Variants in BTNL2 observed in about 807,000 individuals in gnomAD.
The protein encoded by BTNL2 is butyrophilin like 2, also known as butyrophilin-like protein 2.
A neutral mutation model predicts 46.8 loss-of-function variants in BTNL2; 46 were observed. The ratio of observed to expected loss-of-function variants is 0.98; its 90% CI spans 0.78 to 1.26. The LOEUF (loss-of-function observed/expected upper bound fraction) is 1.26. Among genes scored for constraint, BTNL2 ranks in the 50% most tolerant of loss-of-function variants. BTNL2 has a pLI of 0.00. For missense variants in BTNL2, 461 were observed against 592.6 expected (o/e 0.78, Z 2.31); for synonymous variants, 226 against 229.1 (o/e 0.99, Z 0.12).
rs1369777141 is a variant in BTNL2, at chr6:32,403,182, T to C, written c.462A>G (p.Gly154=). The C allele has an allele frequency of 6.2e-7, 1 of 1,608,942 alleles. No homozygotes were observed. Among genetic ancestry groups the C allele is most frequent in the Non-Finnish European group, 8.5e-7 (1 of 1,178,942 alleles). The change falls in exon 3 of 8, where the codon GGA becomes GGG. Residue 154 remains glycine (G), a synonymous_variant. Coordinates refer to ENST00000454136, the MANE Select transcript of BTNL2 (RefSeq NM_001304561.2). ...LGSAPSIHME[G]PGESGVQLVC... ...CAAGCTGGACTCCACTCTCCCCAGG[T>C]CCCTCCATGTGGATGCTAGGGGCAG...
chr6:32,398,942 A>G (rs1257717798), intron 4 of BTNL2, among the ~76,000 whole-genome samples: 1 of 151,890 alleles, frequency 6.6e-6, no homozygotes, highest in African/African-American at 2.4e-5. Context: ...TTCAATTTTA[A>G]GTTCCGGGGT....
chr6:32,402,570 G>T (rs12529850), intron 3 of BTNL2, among the ~76,000 whole-genome samples: 15,893 of 152,074 alleles, frequency 0.1, 969 homozygotes, highest in East Asian at 0.2. Flanking sequence ...GCAAATAGTT[G>T]TCTACATCTC....
At chr6:32,404,652 T>C (rs1489851614) in intron 2 of BTNL2, among the ~76,000 whole-genome samples, 1 of 152,196 alleles carries the variant, frequency 6.6e-6, no homozygotes, top group Non-Finnish European at 1.5e-5. Context: ...GCACCAGCCT[T>C]AGGTAGCACA....
intron 1 of BTNL2, chr6:32,405,604 T>C (rs953232192): frequency 2.6e-6 from 1 of 385,658 alleles, no homozygotes. Context: ...CTTCAAGATA[T>C]TAATACCAGC....
At position 32,394,713 on chromosome 6, in the gene BTNL2, CAAACCTGAAGGAACATAAGGAA is replaced by C; in HGVS notation, c.1360+9_1360+30del. ...TGAGTTGGTCTTCATATTTATTTTC[CAAACCTGAAGGAACATAAGGAA>C]TCACCAACCTGAGAGAGAAAAAGTT... On this transcript the variant is annotated intron_variant, in intron 6 of 7. Transcript: ENST00000454136. This position sits in a 1 kb window ranked among gnomAD's most constrained non-coding sequence, Gnocchi z 4.6. The C allele has an allele frequency of 1.9e-6, 3 of 1,586,070 alleles. No homozygotes were observed. The highest frequency in any genetic ancestry group is 2.6e-6 in the Non-Finnish European group (3 of 1,163,310).
rs549729987 is a variant in BTNL2 at position 32,406,399 on chromosome 6, C to A, written c.79+646G>T. 4 of 152,416 alleles carry A rather than the reference C, an allele frequency of 2.6e-5. No homozygotes were observed. In the East Asian group the frequency reaches 5.8e-4, roughly 22 times the overall value. The allele number at this position is 152,416 out of a possible 1,614,324, so 9.4% of individuals were successfully genotyped here. On this transcript the variant is annotated intron_variant, in intron 1 of 7. Coordinates refer to ENST00000454136, the MANE Select transcript of BTNL2 (RefSeq NM_001304561.2). ...CTCTGCGGCACCGAGGCAGACACACCAGCTCTGCGGTGCCGAGGCAGAGCC... is the reference window on the plus strand; with the variant it reads ...CTCTGCGGCACCGAGGCAGACACACAAGCTCTGCGGTGCCGAGGCAGAGCC...
chr6:32,407,147 A>C lies in BTNL2; in HGVS notation c.-24T>G. 1 of 1,608,142 alleles carries C rather than the reference A, an allele frequency of 6.2e-7. No homozygotes were observed. The highest frequency in any genetic ancestry group is 8.5e-7 in the Non-Finnish European group (1 of 1,175,734). On this transcript the variant is annotated 5_prime_UTR_variant, in exon 1 of 8. Coordinates refer to ENST00000454136, the MANE Select transcript of BTNL2 (RefSeq NM_001304561.2). ...ATCCTCCCTGGAACAAAGACAAGGA[A>C]ACGCTGTGCCTAAGTGAGGCTGTGA...
Position 32,405,915 on chromosome 6 carries a change from G to T in BTNL2, c.80-629C>A, listed in dbSNP as rs925441746. Among the ~76,000 whole-genome samples the T allele has an allele frequency of 9.2e-5, 14 of 152,144 alleles. 1 individual carries two copies. The highest frequency in any genetic ancestry group is 9.2e-4 in the Admixed American group (14 of 15,296). On this transcript the variant is annotated intron_variant, in intron 1 of 7. Coordinates refer to ENST00000454136, the MANE Select transcript of BTNL2 (RefSeq NM_001304561.2). ...GTTTTCACAAGGACATTTTGTGCTG[G>T]ATTAAGGACACTGGTTTGTCTAGAG...
At chr6:32,395,495 G>A (rs1776387081) in intron 5 of BTNL2, among the ~76,000 whole-genome samples, 2 of 152,168 alleles carry the variant, frequency 1.3e-5, no homozygotes, top group Admixed American at 6.5e-5. Context: ...GAAACACGTA[G>A]CATATCCAAG....
chr6:32,401,722 C>CCTCCCTCTGCTGGGGAGGGCAGAGG, intron 4 of BTNL2, 63 bp downstream of exon 4: 7 of 1,503,880 alleles, frequency 4.7e-6, no homozygotes, highest in Non-Finnish European at 6.4e-6. Flanking sequence ...TGGTAGCTCC[C>CCTCCCTCTGCTGGGGAGGGCAGAGG]CTCCCTCTGC....
At chr6:32,400,281 G>A (rs1253999814) in intron 4 of BTNL2, among the ~76,000 whole-genome samples, 1 of 152,176 alleles carries the variant, frequency 6.6e-6, no homozygotes, top group Non-Finnish European at 1.5e-5. Flanking sequence ...GGTTGTGTTT[G>A]TTACCCTGAT....
rs532267200 is a variant in BTNL2, at chr6:32,396,837, G to A, written c.731-451C>T. 0.012 allele frequency among the ~76,000 whole-genome samples: 1,791 copies of A among 151,882 alleles called. 62 individuals carry two copies. The highest frequency in any genetic ancestry group is 0.1 in the East Asian group (532 of 5,096). ...CTCTACAGAAATACAAAAATTAGTC[G>A]GGCATGATGGTGGGTGCCTGTAATC... On this transcript the variant is annotated intron_variant, in intron 4 of 7. Coordinates refer to ENST00000454136, the MANE Select transcript of BTNL2 (RefSeq NM_001304561.2). This position sits in a 1 kb window ranked among gnomAD's most constrained non-coding sequence, Gnocchi z 4.4.
chr6:32,398,646 T>C (rs1235581649), intron 4 of BTNL2, among the ~76,000 whole-genome samples: 1 of 151,822 alleles, frequency 6.6e-6, no homozygotes, highest in Non-Finnish European at 1.5e-5. Context: ...TGTCCGTGTG[T>C]GACCTGTGCA....
intron 1 of BTNL2, among the ~76,000 whole-genome samples, chr6:32,405,805 C>CTGGTTTTTTTT (rs1777102395): frequency 1.3e-5 from 1 of 79,436 alleles, no homozygotes; most frequent in Admixed American, 1.2e-4. Context: ...GATATAAAAA[C>CTGGTTTTTTTT]TGTTTTTTTT....
rs1776262463 is a variant in BTNL2 at position 32,393,746 on chromosome 6, C to A, written c.*6+217G>T. 4.1e-6 allele frequency: 2 copies of A among 488,708 alleles called. No individual in the cohort carries two copies. The highest frequency in any genetic ancestry group is 3.8e-5 in the East Asian group (1 of 26,338). 30.3% of individuals were successfully genotyped at this position (488,708 alleles called of 1,614,324 possible). On this transcript the variant is annotated intron_variant, in intron 7 of 7. Coordinates refer to ENST00000454136, the MANE Select transcript of BTNL2 (RefSeq NM_001304561.2). This position sits in a 1 kb window ranked among gnomAD's most constrained non-coding sequence, Gnocchi z 4.8. The stretch of plus-strand genomic sequence containing the variant: ...GGAAATCAAATCATTATCTTTTAAT[C>A]ATTTTGCTTCTATTACAAGTGGAAA...
At chr6:32,395,830 G>A (rs1776411878) in intron 5 of BTNL2, among the ~76,000 whole-genome samples, 1 of 152,174 alleles carries the variant, frequency 6.6e-6, no homozygotes, top group South Asian at 2.1e-4. Flanking sequence ...AAAGATACAA[G>A]TTATATGCCC....
Position 32,401,777 on chromosome 6 carries a change from G to A in BTNL2, c.730+8C>T, listed in dbSNP as rs116191755. 22,315 of 1,606,350 alleles carry A rather than the reference G, an allele frequency of 0.014. 1,031 individuals are homozygous for A. In the East Asian group the frequency reaches 0.15, roughly 11 times the overall value. On this transcript the variant is annotated splice_region_variant and intron_variant, in intron 4 of 7. Coordinates refer to ENST00000454136, the MANE Select transcript of BTNL2 (RefSeq NM_001304561.2). ...CTCCACAGGTGTGTGCCAGCACCTC[G>A]TACTTACCCAGCTCAGTCTGGAGTT...
chr6:32,401,197 G>A, intron 4 of BTNL2, among the ~76,000 whole-genome samples: 1 of 77,952 alleles, frequency 1.3e-5, no homozygotes. Context: ...GACAGAGCAA[G>A]ACTCCGTCTC....
chr6:32,402,123 C>A (rs117724227), intron 3 of BTNL2, among the ~76,000 whole-genome samples: 2,665 of 152,094 alleles, frequency 0.018, 76 homozygotes, highest in East Asian at 0.11. Context: ...ACAGAAAGTA[C>A]AAAATTATAT....
Sources: allele counts gnomAD v4.1 joint callset (sites outside exome capture counted in the v4.1 genomes callset), GRCh38; gene constraint gnomAD v4.1.1; non-coding constraint Gnocchi (gnomAD v3.1); transcripts MANE v1.5; gene names NCBI Gene and HGNC (gene_info 2026-07-23, HGNC 2026-07-21).